NOL11: variants seen among roughly 807,000 people sequenced by gnomAD.
The protein encoded by NOL11 is nucleolar protein 11.
A neutral mutation model predicts 93.0 loss-of-function variants in NOL11; 42 were observed. The observed-to-expected ratio is 0.45, with a 90% confidence interval of 0.35 to 0.58. The LOEUF is 0.58. NOL11 is among the 20% of genes least tolerant of loss of function. The probability of loss-of-function intolerance (pLI) is 0.00; values close to 1 mark genes in which losing one functional copy is unlikely to be tolerated. For synonymous variants in NOL11, 296 were observed against 293.7 expected, an observed-to-expected ratio of 1.01 and a Z score of -0.08; for missense variants, 775 against 841.8, an observed-to-expected ratio of 0.92 and a Z score of 0.98.
At chr17:67,720,223 G>C (rs1428458563) in intron 3 of NOL11, 1 of 261,026 alleles carries the variant, frequency 3.8e-6, no homozygotes, top group East Asian at 8.8e-5. Flanking sequence ...TCTTTTGTGA[G>C]AGCAAAATGA....
chr17:67,728,255 G>A (rs960016544), intron 7 of NOL11, among the ~76,000 whole-genome samples: 2 of 152,120 alleles, frequency 1.3e-5, no homozygotes, highest in East Asian at 1.9e-4. Flanking sequence ...GCAAGACTCC[G>A]TCTCAGAAAA....
chr17:67,743,724 C>A lies in NOL11; in HGVS notation c.2044-19C>A. On this transcript the variant is annotated intron_variant, in intron 17 of 17. Transcript: ENST00000253247. Reference sequence around the variant, plus strand: ...TGTAGACATTATGGTAAAAGTTACTCTGAAACTCTTTTCTTTAGATATCTG... The same window carrying A: ...TGTAGACATTATGGTAAAAGTTACTATGAAACTCTTTTCTTTAGATATCTG... The A allele has an allele frequency of 1.4e-6, 2 of 1,387,894 alleles. No individual in the cohort carries two copies. Among genetic ancestry groups the A allele is most frequent in the Admixed American group, 2.4e-5 (1 of 41,890 alleles). The allele number at this position is 1,387,894 out of a possible 1,614,324, so 86.0% of individuals were successfully genotyped here.
chr17:67,731,102 A>C (rs1050258391), intron 7 of NOL11, among the ~76,000 whole-genome samples: 1 of 152,148 alleles, frequency 6.6e-6, no homozygotes, highest in Non-Finnish European at 1.5e-5. Context: ...TCCTTTGCCT[A>C]TTTTTAAATA....
At chr17:67,727,999 G>T (rs1409028648) in intron 7 of NOL11, among the ~76,000 whole-genome samples, 2 of 151,278 alleles carry the variant, frequency 1.3e-5, no homozygotes, top group East Asian at 3.9e-4. Context: ...AGTAGCTCAT[G>T]CCTGTAATCC....
chr17:67,734,318 ATTTATAC>A, intron 7 of NOL11, 38 bp from the exon 8 acceptor site: 1 of 1,087,476 alleles, frequency 9.2e-7, no homozygotes, highest in Admixed American at 1.8e-5. Flanking sequence ...AATATCATAT[ATTTATAC>A]TTGGGACTTT....
At chr17:67,725,024 C>T (rs2055077169) in intron 6 of NOL11, among the ~76,000 whole-genome samples, 1 of 152,198 alleles carries the variant, frequency 6.6e-6, no homozygotes, top group Non-Finnish European at 1.5e-5. Flanking sequence ...TGCCAGTACA[C>T]TGCAGCCTGG....
rs970576631 is a variant in NOL11, at chr17:67,732,666, C to T, written c.854-1697C>T. On this transcript the variant is annotated intron_variant, in intron 7 of 17. Coordinates refer to ENST00000253247, the MANE Select transcript of NOL11 (RefSeq NM_015462.5). ...TTGGCTTACTGCAACCTCTGCCTCCCGCGTTCAAGCAGTTCTCCTGCCTCA... is the reference window on the plus strand; with the variant it reads ...TTGGCTTACTGCAACCTCTGCCTCCTGCGTTCAAGCAGTTCTCCTGCCTCA... 9.9e-5 allele frequency among the ~76,000 whole-genome samples: 15 copies of T among 151,444 alleles called. No homozygotes were observed. In the East Asian group the frequency reaches 2.2e-3, roughly 22 times the overall value.
intron 6 of NOL11, among the ~76,000 whole-genome samples, chr17:67,725,913 C>A (rs888687271): frequency 6.6e-6 from 1 of 152,104 alleles, no homozygotes; most frequent in Non-Finnish European, 1.5e-5. Flanking sequence ...GACCCTATGT[C>A]TAAAAGAAAA....
chr17:67,737,542 G>A lies in NOL11; in HGVS notation c.1253G>A (p.Arg418Gln), dbSNP rs779882381. Residue 418 changes from arginine to glutamine, a missense_variant, in exon 12 of 18, where the codon CGG (arginine) becomes CAG (glutamine). Coordinates refer to ENST00000253247, the MANE Select transcript of NOL11 (RefSeq NM_015462.5). The stretch of plus-strand genomic sequence containing the variant: ...GAAAAACACATTGAAGTAGAAGTAC[G>A]GAAATTTTTGGCTCTGAAGCAGACA... ...DSEKHIEVEVRKFLALKQTPD... is the reference protein window; with the variant it reads ...DSEKHIEVEVQKFLALKQTPD... 3.1e-6 allele frequency: 5 copies of A among 1,607,806 alleles called. No individual in the cohort carries two copies. The highest frequency in any genetic ancestry group is 2.2e-5 in the South Asian group (2 of 89,606).
Position 67,737,799 on chromosome 17 carries a change from T to G in NOL11, c.1404-48T>G, listed in dbSNP as rs775918753. 3 of 1,587,940 alleles carry G rather than the reference T, an allele frequency of 1.9e-6. No homozygotes were observed. In the South Asian group the frequency reaches 3.4e-5, roughly 18 times the overall value. The stretch of plus-strand genomic sequence containing the variant: ...AAAAGGCTTATAAATGTTCTGCAGT[T>G]GAGAATTTTCTTAATATGTAATAGT... On this transcript the variant is annotated intron_variant, in intron 12 of 17. Coordinates refer to ENST00000253247, the MANE Select transcript of NOL11 (RefSeq NM_015462.5).
chr17:67,743,114 T>C (rs988635653), intron 16 of NOL11, among the ~76,000 whole-genome samples: 1 of 152,034 alleles, frequency 6.6e-6, no homozygotes, highest in African/African-American at 2.4e-5. Context: ...TGATGGTGCA[T>C]CTGTAATCCC....
chr17:67,734,143 T>C (rs80229149), intron 7 of NOL11, among the ~76,000 whole-genome samples: 14,408 of 152,196 alleles, frequency 0.095, 779 homozygotes, highest in East Asian at 0.14. Flanking sequence ...TTAATTGTTA[T>C]TCCTGGTTCA....
chr17:67,737,725 A>G, intron 12 of NOL11, 33 bp downstream of exon 12: 1 of 1,594,910 alleles, frequency 6.3e-7, no homozygotes. Flanking sequence ...CTGTACGTGC[A>G]TAATTCTTCT....
intron 7 of NOL11, among the ~76,000 whole-genome samples, chr17:67,732,305 A>G (rs2055161006): frequency 6.6e-6 from 1 of 151,944 alleles, no homozygotes; most frequent in Admixed American, 6.6e-5. Flanking sequence ...AACATGGAGA[A>G]ACCCTGTCTC....
chr17:67,744,011 G>T lies in NOL11; in HGVS notation c.*152G>T. On this transcript the variant is annotated 3_prime_UTR_variant, in exon 18 of 18. Coordinates refer to ENST00000253247, the MANE Select transcript of NOL11 (RefSeq NM_015462.5). ...TGGACCATCACTTAACTGATGCTCC[G>T]GGGTAGGACTGCAGGTTTCACATGA... 1 of 434,398 alleles carries T rather than the reference G, an allele frequency of 2.3e-6. No homozygotes were observed. The allele number at this position is 434,398 out of a possible 1,614,324, so 26.9% of individuals were successfully genotyped here.
At chr17:67,739,034 A>G (rs1352989550) in intron 15 of NOL11, 24 bp downstream of exon 15, 6 of 1,503,528 alleles carry the variant, frequency 4.0e-6, no homozygotes, top group Non-Finnish European at 5.5e-6. Context: ...CAAGTTGTAT[A>G]GAATTTTACT....
chr17:67,728,332 G>A (rs2055119016), intron 7 of NOL11, among the ~76,000 whole-genome samples: 1 of 152,178 alleles, frequency 6.6e-6, no homozygotes, highest in African/African-American at 2.4e-5. Context: ...CTCATTATTT[G>A]TATCATTTAG....
intron 6 of NOL11, 50 bp from the exon 7 acceptor site, chr17:67,726,410 G>C (rs370790914): frequency 1.4e-6 from 2 of 1,468,230 alleles, no homozygotes; most frequent in Non-Finnish European, 1.8e-6. Context: ...AACTGTAATA[G>C]ATATAGAAGT....
rs2055197615 is a variant in NOL11 at position 67,735,914 on chromosome 17, A to G, written c.945A>G (p.Gly315=). ...QGTSGQLWYY[G]EHLFMLHGKS... ...TTTTTTTGTAGCTCTGGTATTATGG[A>G]GAACATTTGTTTATGCTACATGGAA... Residue 315 remains glycine, a synonymous_variant, in exon 9 of 18, where the codon GGA becomes GGG. Transcript: ENST00000253247. 6.2e-7 allele frequency: 1 copy of G among 1,609,322 alleles called. No individual in the cohort carries two copies.
Sources: gnomAD v4.1 joint callset for allele counts (sites outside exome capture counted in the v4.1 genomes callset) on GRCh38, gnomAD v4.1.1 for gene constraint, MANE v1.5 for transcripts, NCBI Gene and HGNC (gene_info 2026-07-23, HGNC 2026-07-21) for gene names.